PRKCH: variants seen among roughly 807,000 people sequenced by gnomAD.
The protein encoded by PRKCH is protein kinase C eta.
Under a neutral mutation model 82.5 loss-of-function variants are expected in PRKCH, and 28 were observed. The observed-to-expected ratio is 0.34, with a 90% CI of 0.25 to 0.47. The LOEUF (loss-of-function observed/expected upper bound fraction) is 0.47. PRKCH is among the 20% of genes least tolerant of loss of function. The probability of loss-of-function intolerance (pLI) is 1.00; values close to 1 mark genes in which losing one functional copy is unlikely to be tolerated. For synonymous variants in PRKCH, 322 were observed against 327.4 expected, an observed-to-expected ratio of 0.98 and a Z score of 0.18; for missense variants, 705 against 881.8, an observed-to-expected ratio of 0.80 and a Z score of 2.54.
chr14:61,195,712 T>A (rs1026714537), intron 1 of PRKCH, among the ~76,000 whole-genome samples: 1 of 151,976 alleles, frequency 6.6e-6, no homozygotes, highest in Admixed American at 6.6e-5. Flanking sequence ...CAGTTAAGAG[T>A]TTGGTGAGGG....
At chr14:61,216,195 T>C (rs1399247883) in intron 1 of PRKCH, among the ~76,000 whole-genome samples, 1 of 152,136 alleles carries the variant, frequency 6.6e-6, no homozygotes, top group East Asian at 1.9e-4. Context: ...CCGGGCACAG[T>C]GGCTCATGCC....
chr14:61,342,739 A>G (rs1594929921), intron 1 of PRKCH, among the ~76,000 whole-genome samples: 1 of 152,188 alleles, frequency 6.6e-6, no homozygotes, highest in Non-Finnish European at 1.5e-5. Flanking sequence ...TCTTGCTGCA[A>G]ATTTTCCAGT....
At chr14:61,493,062 A>G (rs1346738377) in intron 10 of PRKCH, among the ~76,000 whole-genome samples, 1 of 152,210 alleles carries the variant, frequency 6.6e-6, no homozygotes, top group Non-Finnish European at 1.5e-5. Flanking sequence ...AGGGAAGGCT[A>G]GAGGAGGCTG....
At chr14:61,320,525 G>T (rs1776715456), upstream of PRKCH, among the ~76,000 whole-genome samples, 1 of 152,184 alleles carries the variant, frequency 6.6e-6, no homozygotes, top group Non-Finnish European at 1.5e-5. Flanking sequence ...CTCGAACCTG[G>T]GAGGCGGAGG....
At chr14:61,401,962 T>C (rs1358487603) in intron 2 of PRKCH, among the ~76,000 whole-genome samples, 1 of 152,272 alleles carries the variant, frequency 6.6e-6, no homozygotes, top group Non-Finnish European at 1.5e-5. Flanking sequence ...CTGCGCCTGT[T>C]ACTTCAGGGA....
At position 61,329,541 on chromosome 14, in the gene PRKCH, C is replaced by T. The variant is rs141142069; in HGVS notation, c.363+7077C>T. ...TGAGTCACTGCACCCAGCCAAAGTC[C>T]AGAGTCTTTAAAATGGTATAGGATG... is the stretch of plus-strand genomic sequence containing the variant. On this transcript the variant is annotated intron_variant, in intron 1 of 13. Transcript: ENST00000332981. Among the ~76,000 whole-genome samples the T allele has an allele frequency of 2.6e-3, 391 of 152,264 alleles. 1 individual carries two copies. The highest frequency in any genetic ancestry group is 3.6e-3 in the Non-Finnish European group (247 of 68,018).
At chr14:61,547,169 G>A (rs79114149) in intron 12 of PRKCH, among the ~76,000 whole-genome samples, 4 of 152,172 alleles carry the variant, frequency 2.6e-5, no homozygotes, top group African/African-American at 4.8e-5. Context: ...TGATATCTTC[G>A]CTGCATAAAG....
chr14:61,311,536 A>G (rs568306365), intron 1 of PRKCH, among the ~76,000 whole-genome samples: 1 of 152,330 alleles, frequency 6.6e-6, no homozygotes, highest in Non-Finnish European at 1.5e-5. Flanking sequence ...TGAGCCGTCC[A>G]AACTGTTCCA....
At chr14:61,543,072 C>A (rs2043208909) in intron 12 of PRKCH, among the ~76,000 whole-genome samples, 1 of 152,186 alleles carries the variant, frequency 6.6e-6, no homozygotes, top group African/African-American at 2.4e-5. Context: ...AAGAATGATA[C>A]AAACACAAGC....
chr14:61,400,240 C>G (rs897380793), intron 2 of PRKCH, among the ~76,000 whole-genome samples: 3 of 152,132 alleles, frequency 2.0e-5, no homozygotes, highest in African/African-American at 4.8e-5. Flanking sequence ...ACAGTTACCC[C>G]CTGTATCAAC....
intron 1 of PRKCH, among the ~76,000 whole-genome samples, chr14:61,364,206 A>G (rs1330830762): frequency 6.6e-6 from 1 of 151,760 alleles, no homozygotes; most frequent in Non-Finnish European, 1.5e-5. Flanking sequence ...TAGCTGAGAT[A>G]GCTAACCCAA....
chr14:61,436,015 A>C (rs1316081970), intron 2 of PRKCH, among the ~76,000 whole-genome samples: 1 of 152,194 alleles, frequency 6.6e-6, no homozygotes, highest in Non-Finnish European at 1.5e-5. Context: ...GACATGAAAA[A>C]GGAAAGATGA....
At chr14:61,257,604 GACACAC>G (rs796604363) in intron 1 of PRKCH, among the ~76,000 whole-genome samples, 46 of 55,338 alleles carry the variant, frequency 8.3e-4, no homozygotes, top group Non-Finnish European at 1.5e-3. Context: ...GTCACACACA[GACACAC>G]ACACACACAC....
At chr14:61,463,860 A>G (rs79783419) in intron 9 of PRKCH, among the ~76,000 whole-genome samples, 2,061 of 152,322 alleles carry the variant, frequency 0.014, 37 homozygotes, top group African/African-American at 0.047. Flanking sequence ...AAATAATACA[A>G]TGTCCTCCAG....
intron 3 of PRKCH, 23 bp downstream of exon 3, chr14:61,443,284 T>C (rs374894542): frequency 6.2e-7 from 1 of 1,608,022 alleles, no homozygotes. Flanking sequence ...CTTACTTCTG[T>C]CCTCCTCAGA....
intron 1 of PRKCH, chr14:61,390,674 CAAA>C (rs950864010): frequency 1.3e-5 from 2 of 149,434 alleles, no homozygotes; most frequent in Non-Finnish European, 3.0e-5. Context: ...CTCTCTCTCT[CAAA>C]AAAAAAAGAG....
At chr14:61,277,345 T>C (rs2045212812) in intron 1 of PRKCH, 1 of 152,250 alleles carries the variant, frequency 6.6e-6, no homozygotes, top group South Asian at 2.1e-4. Context: ...ATTATTGTTT[T>C]AGGAGCTCTC....
intron 1 of PRKCH, among the ~76,000 whole-genome samples, chr14:61,291,487 G>A (rs1566809098): frequency 6.6e-6 from 1 of 151,988 alleles, no homozygotes; most frequent in Non-Finnish European, 1.5e-5. Flanking sequence ...GTGCCACCAC[G>A]CCCAGCTAAT....
intron 1 of PRKCH, among the ~76,000 whole-genome samples, chr14:61,232,506 C>G (rs189223108): frequency 6.6e-6 from 1 of 152,220 alleles, no homozygotes; most frequent in Admixed American, 6.5e-5. Context: ...CAGGCGTGAG[C>G]CACCGTGCCC....
Sources: allele counts gnomAD v4.1 joint callset (sites outside exome capture counted in the v4.1 genomes callset), GRCh38; gene constraint gnomAD v4.1.1; transcripts MANE v1.5; gene names NCBI Gene and HGNC (gene_info 2026-07-23, HGNC 2026-07-21).